DLGAP2: variants seen among roughly 807,000 people sequenced by gnomAD.
DLGAP2 encodes disks large-associated protein 2.
Under a neutral mutation model 100.3 loss-of-function variants are expected in DLGAP2, and 26 were observed. The observed-to-expected ratio is 0.26, with a 90% CI of 0.19 to 0.36. DLGAP2 has a LOEUF of 0.36. Among genes scored for constraint, DLGAP2 ranks in the 10% least tolerant of loss-of-function variants. The pLI, the probability that DLGAP2 is intolerant of heterozygous loss-of-function variation, is 1.00. For missense variants in DLGAP2, 1,858 were observed against 1,453.2 expected, an observed-to-expected ratio of 1.28 and a Z score of -4.53; for synonymous variants, 886 against 630.1, an observed-to-expected ratio of 1.41 and a Z score of -6.08.
chr8:1,192,038 G>A (rs989855569), intron 2 of DLGAP2, among the ~76,000 whole-genome samples: 12 of 152,170 alleles, frequency 7.9e-5, no homozygotes, highest in East Asian at 3.9e-4. Context: ...CTGGACATTC[G>A]TAGCCGCTGC....
At chr8:1,298,926 T>C (rs576953800) in intron 3 of DLGAP2, among the ~76,000 whole-genome samples, 2 of 152,066 alleles carry the variant, frequency 1.3e-5, no homozygotes, top group Middle Eastern at 3.4e-3. Context: ...GGAGAACCTC[T>C]TCCCAGGGCC....
At chr8:861,717 G>A (rs1396203397) in intron 1 of DLGAP2, among the ~76,000 whole-genome samples, 2 of 152,196 alleles carry the variant, frequency 1.3e-5, no homozygotes, top group African/African-American at 4.8e-5. Context: ...TGCAAACCTG[G>A]CGAGGCCTCC....
intron 3 of DLGAP2, among the ~76,000 whole-genome samples, chr8:1,466,745 A>G (rs1189781991): frequency 6.6e-6 from 1 of 152,170 alleles, no homozygotes; most frequent in Non-Finnish European, 1.5e-5. Flanking sequence ...GAAGGAAATG[A>G]TCACCATTGC....
At chr8:980,685 G>A (rs577649612) in intron 2 of DLGAP2, among the ~76,000 whole-genome samples, 1 of 152,190 alleles carries the variant, frequency 6.6e-6, no homozygotes, top group Non-Finnish European at 1.5e-5. Context: ...AGGAAGGAGA[G>A]ACTCCAGCAG....
At chr8:1,165,073 G>A (rs866152581) in intron 2 of DLGAP2, among the ~76,000 whole-genome samples, 25 of 151,368 alleles carry the variant, frequency 1.7e-4, no homozygotes, top group African/African-American at 4.6e-4. Context: ...CCTCTGGGCC[G>A]CTCCAGATGA....
intron 2 of DLGAP2, among the ~76,000 whole-genome samples, chr8:1,027,609 C>T (rs1563152471): frequency 6.8e-6 from 1 of 146,714 alleles, no homozygotes; most frequent in African/African-American, 2.5e-5. Context: ...CCGTTATTCT[C>T]CAGGTGGGGT....
At chr8:803,040 C>CCA in intron 1 of DLGAP2, among the ~76,000 whole-genome samples, 1 of 152,284 alleles carries the variant, frequency 6.6e-6, no homozygotes, top group Non-Finnish European at 1.5e-5. Context: ...TGAGAAGAGG[C>CCA]CACAAGGAGA....
chr8:1,236,957 G>A (rs1208973905), intron 2 of DLGAP2, among the ~76,000 whole-genome samples: 1 of 143,844 alleles, frequency 7.0e-6, no homozygotes, highest in Admixed American at 7.0e-5. Context: ...GCCGTGTCTA[G>A]TTCTCTCACA....
At chr8:1,240,322 C>G (rs1263398983) in intron 2 of DLGAP2, among the ~76,000 whole-genome samples, 23 of 144,822 alleles carry the variant, frequency 1.6e-4, no homozygotes, top group Non-Finnish European at 2.0e-4. Context: ...GGTGCTGTGT[C>G]TAGTTCTCTC....
intron 3 of DLGAP2, among the ~76,000 whole-genome samples, chr8:1,442,923 A>G (rs1423179220): frequency 1.3e-5 from 2 of 152,278 alleles, no homozygotes; most frequent in East Asian, 1.9e-4. Context: ...ATTTGCTTAC[A>G]TCTTTTACCG....
intron 6 of DLGAP2, among the ~76,000 whole-genome samples, chr8:1,592,954 A>AT (rs1796335507): frequency 6.6e-6 from 1 of 152,140 alleles, no homozygotes; most frequent in Non-Finnish European, 1.5e-5. Flanking sequence ...AGGATGATAG[A>AT]TTTTACTGTC....
At chr8:1,488,049 G>A (rs888389278) in intron 3 of DLGAP2, among the ~76,000 whole-genome samples, 1 of 152,144 alleles carries the variant, frequency 6.6e-6, no homozygotes, top group African/African-American at 2.4e-5. Context: ...GTTGAGGAGG[G>A]CAGAGGTGTT....
intron 2 of DLGAP2, among the ~76,000 whole-genome samples, chr8:1,025,515 C>G (rs1384622702): frequency 6.6e-6 from 1 of 152,020 alleles, no homozygotes; most frequent in Admixed American, 6.6e-5. Flanking sequence ...AAAGAGTTAC[C>G]AGAATAGTTA....
rs181443846 is a variant in DLGAP2 at position 1,486,268 on chromosome 8, C to T, written c.107-15098C>T. 7.2e-5 allele frequency among the ~76,000 whole-genome samples: 11 copies of T among 152,270 alleles called. No homozygotes were observed. The East Asian group carries it at 1.9e-3, about 27-fold the overall frequency. ...TTGAGCAAGTCAAGCCTGCATATTACGGCAGATGGAAAGCTGTGCAGTCTG... is the reference window on the plus strand; with the variant it reads ...TTGAGCAAGTCAAGCCTGCATATTATGGCAGATGGAAAGCTGTGCAGTCTG... On this transcript the variant is annotated intron_variant, in intron 3 of 14. Transcript: ENST00000637795.
intron 8 of DLGAP2, among the ~76,000 whole-genome samples, chr8:1,639,376 G>A (rs1274694275): frequency 1.1e-4 from 17 of 152,192 alleles, no homozygotes; most frequent in Admixed American, 1.1e-3. Flanking sequence ...CTGTCCCTGG[G>A]TCTTGGCAGT....
rs941239885 is a variant in DLGAP2 at position 1,705,778 on chromosome 8, C to T, written c.*4372C>T. 6.6e-6 allele frequency: 1 copy of T among 152,278 alleles called. No individual in the cohort carries two copies. 9.4% of individuals were successfully genotyped at this position (152,278 alleles called of 1,614,324 possible). A position where few individuals can be genotyped will look rare whatever the true frequency, so the allele number is the denominator to read the frequency against. On this transcript the variant is annotated 3_prime_UTR_variant, in exon 15 of 15. Coordinates refer to ENST00000637795, the MANE Select transcript of DLGAP2 (RefSeq NM_001346810.2). ...TAAAACTGCAGTTTTCAGACGACAG[C>T]CCCTGGGAATGTTCCAGGGTTCTCT...
At chr8:868,405 G>T (rs535579077) in intron 1 of DLGAP2, among the ~76,000 whole-genome samples, 1 of 152,276 alleles carries the variant, frequency 6.6e-6, no homozygotes, top group Non-Finnish European at 1.5e-5. Context: ...ACAGAAAAAT[G>T]AGCCATCTTT....
intron 3 of DLGAP2, among the ~76,000 whole-genome samples, chr8:1,414,604 G>T (rs1207618526): frequency 6.6e-6 from 1 of 152,266 alleles, no homozygotes; most frequent in Non-Finnish European, 1.5e-5. Context: ...GGGAGGGACT[G>T]AGCGGAGCTG....
At chr8:945,089 T>G (rs987148450) in intron 2 of DLGAP2, among the ~76,000 whole-genome samples, 1 of 152,220 alleles carries the variant, frequency 6.6e-6, no homozygotes, top group African/African-American at 2.4e-5. Context: ...TTGGGAATTC[T>G]TTGACAGAAA....
Sources: gnomAD v4.1 joint callset for allele counts (sites outside exome capture counted in the v4.1 genomes callset) on GRCh38, gnomAD v4.1.1 for gene constraint, MANE v1.5 for transcripts, NCBI Gene and HGNC (gene_info 2026-07-23, HGNC 2026-07-21) for gene names.